Variants in PLEKHM3 observed in about 807,000 individuals in gnomAD.
PLEKHM3 encodes the protein pleckstrin homology domain containing M3.
A neutral mutation model predicts 81.8 loss-of-function variants in PLEKHM3; 45 were observed. The observed-to-expected ratio is 0.55, with a 90% CI of 0.43 to 0.71. The LOEUF is 0.71. Ranked by LOEUF, PLEKHM3 falls within the 30% of genes least tolerant of loss-of-function variation. PLEKHM3 has a pLI of 0.00. For missense variants in PLEKHM3, 788 were observed against 924.3 expected (o/e 0.85, Z 1.91); for synonymous variants, 352 against 356.4 (o/e 0.99, Z 0.14).
intron 3 of PLEKHM3, among the ~76,000 whole-genome samples, chr2:207,949,190 T>C (rs1400515823): frequency 6.6e-6 from 1 of 152,256 alleles, no homozygotes; most frequent in African/African-American, 2.4e-5. Flanking sequence ...CAGCCTTTCA[T>C]TAATATCGCT....
At chr2:207,894,623 T>C (rs1472518180) in intron 6 of PLEKHM3, among the ~76,000 whole-genome samples, 1 of 152,158 alleles carries the variant, frequency 6.6e-6, no homozygotes, top group Non-Finnish European at 1.5e-5. Flanking sequence ...AATTTGCCTC[T>C]AGAAATAGAG....
At chr2:207,978,057 G>A (rs1691380974) in intron 2 of PLEKHM3, among the ~76,000 whole-genome samples, 1 of 152,168 alleles carries the variant, frequency 6.6e-6, no homozygotes, top group South Asian at 2.1e-4. Flanking sequence ...CTGTACTCCA[G>A]CCTGAGTGAC....
At chr2:207,890,582 C>T (rs1275008003) in intron 6 of PLEKHM3, among the ~76,000 whole-genome samples, 2 of 152,080 alleles carry the variant, frequency 1.3e-5, no homozygotes, top group African/African-American at 2.4e-5. Flanking sequence ...GAGCCAAGAT[C>T]GTACCACTGC....
At chr2:207,888,312 C>T (rs79599470) in intron 6 of PLEKHM3, among the ~76,000 whole-genome samples, 3,359 of 152,086 alleles carry the variant, frequency 0.022, 118 homozygotes, top group African/African-American at 0.076. Flanking sequence ...ACAAACTATT[C>T]TTTCTTGATG....
chr2:208,015,856 T>C (rs1692888780), intron 1 of PLEKHM3, among the ~76,000 whole-genome samples: 1 of 152,256 alleles, frequency 6.6e-6, no homozygotes. Context: ...AATTAGATGT[T>C]ACAATCGATA....
chr2:207,917,647 GC>G (rs1370950092), intron 5 of PLEKHM3, among the ~76,000 whole-genome samples: 1 of 152,042 alleles, frequency 6.6e-6, no homozygotes, highest in African/African-American at 2.4e-5. Flanking sequence ...TTTGAGAGGA[GC>G]CCTAGCAACA....
At chr2:207,858,171 T>TGC in intron 7 of PLEKHM3, among the ~76,000 whole-genome samples, 1 of 108,876 alleles carries the variant, frequency 9.2e-6, no homozygotes. Flanking sequence ...TGTGTGTGTG[T>TGC]GTGTATATAT....
chr2:207,936,670 A>C (rs899304438), intron 4 of PLEKHM3, among the ~76,000 whole-genome samples: 3 of 152,242 alleles, frequency 2.0e-5, no homozygotes, highest in South Asian at 4.1e-4. Context: ...TATCCATCAA[A>C]CTCACAAATT....
intron 6 of PLEKHM3, among the ~76,000 whole-genome samples, chr2:207,883,443 G>C (rs1470194673): frequency 6.6e-6 from 1 of 152,306 alleles, no homozygotes; most frequent in South Asian, 2.1e-4. Context: ...TTGGAAATAA[G>C]GTGCTAGTGA....
intron 1 of PLEKHM3, among the ~76,000 whole-genome samples, chr2:208,013,779 T>G (rs1692781733): frequency 1.3e-5 from 2 of 152,174 alleles, no homozygotes; most frequent in Non-Finnish European, 2.9e-5. Context: ...TGACTTTAAC[T>G]CTTTTGGTCA....
chr2:208,006,887 A>G (rs1356594642), intron 1 of PLEKHM3, among the ~76,000 whole-genome samples: 2 of 152,240 alleles, frequency 1.3e-5, no homozygotes, highest in Admixed American at 6.5e-5. Context: ...GCATGCATCA[A>G]AACGAATCAG....
At chr2:207,986,096 C>T (rs1691711100) in intron 2 of PLEKHM3, among the ~76,000 whole-genome samples, 1 of 151,994 alleles carries the variant, frequency 6.6e-6, no homozygotes, top group Admixed American at 6.6e-5. Context: ...ATGAATGAAC[C>T]CACAGGAATA....
intron 7 of PLEKHM3, among the ~76,000 whole-genome samples, chr2:207,838,203 C>T (rs980109070): frequency 6.6e-6 from 1 of 152,150 alleles, no homozygotes; most frequent in Non-Finnish European, 1.5e-5. Flanking sequence ...GTGAATGTGG[C>T]CCCTTTTCTA....
chr2:207,951,466 C>G (rs1489504003), intron 3 of PLEKHM3, among the ~76,000 whole-genome samples: 1 of 152,168 alleles, frequency 6.6e-6, no homozygotes, highest in Non-Finnish European at 1.5e-5. Flanking sequence ...CTTTTTGAAA[C>G]TTTTCAGAGT....
At chr2:207,907,380 T>C (rs913429360) in intron 6 of PLEKHM3, among the ~76,000 whole-genome samples, 1 of 152,082 alleles carries the variant, frequency 6.6e-6, no homozygotes, top group Non-Finnish European at 1.5e-5. Flanking sequence ...CACATGCCTG[T>C]AATCCCAGCT....
At chr2:207,899,745 G>A (rs1207914544) in intron 6 of PLEKHM3, among the ~76,000 whole-genome samples, 5 of 152,186 alleles carry the variant, frequency 3.3e-5, no homozygotes, top group African/African-American at 1.2e-4. Flanking sequence ...CCTGAAGCAT[G>A]CAGACAGTGT....
At chr2:207,926,150 A>T (rs1689385796) in intron 5 of PLEKHM3, among the ~76,000 whole-genome samples, 1 of 152,106 alleles carries the variant, frequency 6.6e-6, no homozygotes, top group Non-Finnish European at 1.5e-5. Context: ...AGAGCAGAAG[A>T]AGTTATGGCA....
Position 207,837,741 on chromosome 2 carries a change from G to A in PLEKHM3, c.2109-9245C>T, listed in dbSNP as rs539668140. Among the ~76,000 whole-genome samples the A allele has an allele frequency of 1.9e-3, 226 of 117,798 alleles. 2 individuals are homozygous for A. The highest frequency in any genetic ancestry group is 7.3e-3 in the African/African-American group (219 of 30,004). The allele number at this position is 117,798 out of a possible 152,430, so 77.3% of individuals were successfully genotyped here. ...TGCTGGGATTACAGCTGTGAGCCAC[G>A]GCGCCTGGCCGGTTCTTCCATTTTT... On this transcript the variant is annotated intron_variant, in intron 7 of 7. Transcript: ENST00000427836.
At chr2:207,922,685 G>A (rs192100779) in intron 5 of PLEKHM3, among the ~76,000 whole-genome samples, 95 of 152,222 alleles carry the variant, frequency 6.2e-4, no homozygotes, top group African/African-American at 2.2e-3. Context: ...GGTGGCGGGC[G>A]CCTGTAGTCC....
Sources: gnomAD v4.1 joint callset for allele counts (sites outside exome capture counted in the v4.1 genomes callset) on GRCh38, gnomAD v4.1.1 for gene constraint, MANE v1.5 for transcripts, NCBI Gene and HGNC (gene_info 2026-07-23, HGNC 2026-07-21) for gene names.